The following NLK variants were observed in gnomAD, a reference collection of about 807,000 sequenced individuals.
NLK encodes nemo like kinase.
NLK carries 11 observed loss-of-function variants against 59.0 expected under a neutral mutation model. The observed-to-expected ratio is 0.19, with a 90% CI of 0.12 to 0.31. The LOEUF (loss-of-function observed/expected upper bound fraction) is 0.31, where lower values mean the gene tolerates loss of function less well. Among genes scored for constraint, NLK ranks in the 10% least tolerant of loss-of-function variants. NLK has a pLI of 1.00. For synonymous variants in NLK, 235 were observed against 235.9 expected (o/e 1.00, Z 0.03); for missense variants, 410 against 661.1 (o/e 0.62, Z 4.16).
intron 7 of NLK, among the ~76,000 whole-genome samples, chr17:28,184,114 A>G (rs1366842428): frequency 3.3e-5 from 5 of 152,200 alleles, no homozygotes; most frequent in Non-Finnish European, 5.9e-5. Context: ...GGATATGCCT[A>G]CCACTTATGA....
chr17:28,087,951 G>A (rs1017517212), intron 1 of NLK, among the ~76,000 whole-genome samples: 1 of 152,144 alleles, frequency 6.6e-6, no homozygotes, highest in Non-Finnish European at 1.5e-5. Flanking sequence ...AGGAGGAAAG[G>A]CTAGAGAAAT....
intron 1 of NLK, among the ~76,000 whole-genome samples, chr17:28,059,762 G>C (rs1909565425): frequency 2.6e-5 from 4 of 152,122 alleles, no homozygotes. Flanking sequence ...GTAGTTTAGG[G>C]TTTGCTGATC....
At chr17:28,125,903 G>A (rs750874252) in intron 2 of NLK, among the ~76,000 whole-genome samples, 15 of 152,128 alleles carry the variant, frequency 9.9e-5, no homozygotes, top group East Asian at 1.9e-4. Flanking sequence ...CTTAAAAATC[G>A]TGTCAGATAG....
At chr17:28,199,202 T>A (rs1322506832), downstream of NLK, among the ~76,000 whole-genome samples, 4 of 152,188 alleles carry the variant, frequency 2.6e-5, no homozygotes, top group East Asian at 7.7e-4. Flanking sequence ...AAAAATATTG[T>A]AGAAATACTG....
At chr17:28,060,868 C>T (rs549686450) in intron 1 of NLK, among the ~76,000 whole-genome samples, 1 of 152,254 alleles carries the variant, frequency 6.6e-6, no homozygotes, top group East Asian at 1.9e-4. Flanking sequence ...TGCACACGCT[C>T]TTTGGAGCAA....
chr17:28,114,648 C>T (rs113171548), intron 1 of NLK, among the ~76,000 whole-genome samples: 2 of 152,166 alleles, frequency 1.3e-5, no homozygotes, highest in Non-Finnish European at 2.9e-5. Flanking sequence ...TCATATTCTT[C>T]TATACGTTAT....
At chr17:28,164,962 A>C (rs1260271702) in intron 5 of NLK, among the ~76,000 whole-genome samples, 1 of 152,050 alleles carries the variant, frequency 6.6e-6, no homozygotes, top group East Asian at 1.9e-4. Flanking sequence ...AAGAACCCTC[A>C]CCCTTATTTT....
chr17:28,122,670 C>G lies in NLK; in HGVS notation c.526C>G (p.Leu176Val), dbSNP rs764581067. The change falls in exon 2 of 11, where the codon CTG becomes GTG. Residue 176 changes from leucine to valine, a missense_variant. Leu to Val is a conservative substitution (Grantham distance 32). Transcript: ENST00000407008. ...AAAGATGCCCAACGTCTTCCAGAAT[C>G]TGGTCTCTTGCAAAAGGGTCTTCCG... The part of the protein sequence containing the change: ...LKKMPNVFQN[L>V]VSCKRVFREL... The G allele has an allele frequency of 2.2e-5, 36 of 1,613,640 alleles. No individual in the cohort carries two copies. The highest frequency in any genetic ancestry group is 3.0e-5 in the Non-Finnish European group (35 of 1,179,788).
the NLK span, among the ~76,000 whole-genome samples, chr17:28,202,580 T>G: frequency 6.6e-6 from 1 of 152,186 alleles, no homozygotes; most frequent in Non-Finnish European, 1.5e-5. Flanking sequence ...TTAGTTTTGG[T>G]CTCAGGGTAA....
intron 1 of NLK, among the ~76,000 whole-genome samples, chr17:28,091,867 G>A (rs1219737153): frequency 2.6e-5 from 4 of 152,016 alleles, no homozygotes; most frequent in Admixed American, 2.6e-4. Flanking sequence ...TTTTATTAAT[G>A]CACTTATTAC....
intron 7 of NLK, among the ~76,000 whole-genome samples, chr17:28,179,066 A>G (rs996753434): frequency 1.3e-5 from 2 of 152,008 alleles, no homozygotes; most frequent in Non-Finnish European, 2.9e-5. Flanking sequence ...AACTCTTTAT[A>G]CCCCTTCCTG....
Position 28,042,948 on chromosome 17 carries a change from A to G in NLK, c.75A>G (p.Ala25=), listed in dbSNP as rs1257168996. ...ATGGCGGTACATCTGCAGCAGCAGCAGGTCACCACCACCACCATCACCACC... is the reference window on the plus strand; with the variant it reads ...ATGGCGGTACATCTGCAGCAGCAGCGGGTCACCACCACCACCATCACCACC... ...AYNGGTSAAA[A]GHHHHHHHHL... Residue 25 remains alanine (A), a synonymous_variant, in exon 1 of 11, where the codon GCA becomes GCG. Transcript: ENST00000407008. 2 of 1,551,924 alleles carry G rather than the reference A, an allele frequency of 1.3e-6. No homozygotes were observed. Among genetic ancestry groups the G allele is most frequent in the South Asian group, 1.2e-5 (1 of 83,628 alleles).
At chr17:28,117,495 G>A (rs1905831522) in intron 1 of NLK, among the ~76,000 whole-genome samples, 1 of 152,122 alleles carries the variant, frequency 6.6e-6, no homozygotes, top group South Asian at 2.1e-4. Context: ...CTTATCTGCT[G>A]AGATCTTTGC....
chr17:28,089,078 A>C (rs1904384292), intron 1 of NLK, among the ~76,000 whole-genome samples: 1 of 152,198 alleles, frequency 6.6e-6, no homozygotes, highest in Non-Finnish European at 1.5e-5. Context: ...CAATATGATT[A>C]ATGAAAACAG....
intron 1 of NLK, among the ~76,000 whole-genome samples, chr17:28,103,073 A>G (rs1461840426): frequency 6.6e-6 from 1 of 152,166 alleles, no homozygotes; most frequent in Admixed American, 6.5e-5. Context: ...ATTTCCTTTC[A>G]TTCTTCTGAG....
chr17:28,157,624 G>T (rs1231612183), intron 3 of NLK, among the ~76,000 whole-genome samples: 1 of 152,030 alleles, frequency 6.6e-6, no homozygotes, highest in Non-Finnish European at 1.5e-5. Flanking sequence ...ACCACACCTG[G>T]CCTACTTTAT....
At position 28,123,877 on chromosome 17, in the gene NLK, A is replaced by T. The variant is rs369495458; in HGVS notation, c.588+1145A>T. ...TCATGTGAAAAGAAAAACTGCCTCA[A>T]ATTCTTTATATAATACTCAACCTAT... On this transcript the variant is annotated intron_variant, in intron 2 of 10. Coordinates refer to ENST00000407008, the MANE Select transcript of NLK (RefSeq NM_016231.5). 5.6e-4 allele frequency among the ~76,000 whole-genome samples: 86 copies of T among 152,306 alleles called. 1 individual carries two copies. In the South Asian group the frequency reaches 0.017, roughly 31 times the overall value.
At chr17:28,055,636 T>G (rs1909415467) in intron 1 of NLK, among the ~76,000 whole-genome samples, 1 of 152,210 alleles carries the variant, frequency 6.6e-6, no homozygotes, top group Non-Finnish European at 1.5e-5. Flanking sequence ...TGAGCCACTG[T>G]GTCTGGCTGT....
intron 6 of NLK, among the ~76,000 whole-genome samples, chr17:28,170,882 A>G (rs1462000282): frequency 6.6e-6 from 1 of 152,170 alleles, no homozygotes; most frequent in African/African-American, 2.4e-5. Flanking sequence ...ACTGCAGGAG[A>G]ATTCATGTCT....
Sources: allele counts gnomAD v4.1 joint callset (sites outside exome capture counted in the v4.1 genomes callset), GRCh38; gene constraint gnomAD v4.1.1; transcripts MANE v1.5; gene names NCBI Gene and HGNC (gene_info 2026-07-23, HGNC 2026-07-21).